Variants in MYO18B observed in about 807,000 individuals in gnomAD.
MYO18B encodes myosin XVIIIB.
A neutral mutation model predicts 273.0 loss-of-function variants in MYO18B; 204 were observed. That is an observed-to-expected ratio of 0.75 (90% CI 0.67 to 0.84). The LOEUF (loss-of-function observed/expected upper bound fraction) is 0.84, where lower values mean the gene tolerates loss of function less well. Among genes scored for constraint, MYO18B ranks in the 40% least tolerant of loss-of-function variants. The pLI is 0.00. For synonymous variants in MYO18B, 1,330 were observed against 1,305.7 expected (o/e 1.02, Z -0.40); for missense variants, 3,212 against 3,287.6 (o/e 0.98, Z 0.56).
At chr22:25,771,403 A>G (rs767889612) in intron 6 of MYO18B, among the ~76,000 whole-genome samples, 2 of 152,200 alleles carry the variant, frequency 1.3e-5, no homozygotes. Flanking sequence ...TAACCATAGC[A>G]TAGGTTCTAA....
intron 40 of MYO18B, among the ~76,000 whole-genome samples, chr22:25,993,409 G>T (rs143614756): frequency 6.6e-6 from 1 of 152,274 alleles, no homozygotes; most frequent in Non-Finnish European, 1.5e-5. Context: ...AATCTACAGG[G>T]TGGTTCCCTC....
rs2743844 is a variant in MYO18B at position 25,766,137 on chromosome 22, G to A, written c.199-1978G>A. 5.6e-3 allele frequency among the ~76,000 whole-genome samples: 847 copies of A among 152,094 alleles called. 15 individuals carry two copies. The highest frequency in any genetic ancestry group is 0.019 in the African/African-American group (809 of 41,488). Reference sequence around the variant, plus strand: ...CAGAGAGCCCTAGAGAGAAAAGGAAGGGCATCTAATATGCCGCAGTTCAAG... The same window carrying A: ...CAGAGAGCCCTAGAGAGAAAAGGAAAGGCATCTAATATGCCGCAGTTCAAG... On this transcript the variant is annotated intron_variant, in intron 3 of 43. Transcript: ENST00000335473.
intron 34 of MYO18B, among the ~76,000 whole-genome samples, chr22:25,941,250 A>G (rs2092640584): frequency 6.6e-6 from 1 of 151,978 alleles, no homozygotes; most frequent in Non-Finnish European, 1.5e-5. Context: ...CTCACCCTAA[A>G]CCTCTCCACC....
At chr22:25,890,361 T>C (rs1027295869) in intron 25 of MYO18B, among the ~76,000 whole-genome samples, 1 of 152,202 alleles carries the variant, frequency 6.6e-6, no homozygotes, top group Non-Finnish European at 1.5e-5. Context: ...TCCAGTGAGA[T>C]GATTTGCTAA....
At chr22:25,861,096 CT>C (rs2090720835) in intron 21 of MYO18B, among the ~76,000 whole-genome samples, 2 of 152,076 alleles carry the variant, frequency 1.3e-5, no homozygotes, top group Admixed American at 1.3e-4. Context: ...GTTGCCTAGT[CT>C]GGTCTCGACC....
intron 22 of MYO18B, among the ~76,000 whole-genome samples, chr22:25,873,968 T>C (rs1257017928): frequency 6.6e-6 from 1 of 152,170 alleles, no homozygotes. Flanking sequence ...CGGGGGATTG[T>C]GTTAAAGTGC....
At chr22:25,823,475 T>A in intron 12 of MYO18B, 30 bp from the exon 13 acceptor site, 1 of 1,607,694 alleles carries the variant, frequency 6.2e-7, no homozygotes. Context: ...AAGGCCTCAC[T>A]GCCACGCCTC....
chr22:25,905,232 G>A (rs1029840588), intron 31 of MYO18B, among the ~76,000 whole-genome samples: 1 of 152,168 alleles, frequency 6.6e-6, no homozygotes, highest in Non-Finnish European at 1.5e-5. Context: ...ACAAGATGGA[G>A]CCTGGTGAGT....
chr22:25,756,042 G>T (rs566214834), intron 1 of MYO18B, among the ~76,000 whole-genome samples: 3 of 151,878 alleles, frequency 2.0e-5, no homozygotes, highest in African/African-American at 4.8e-5. Context: ...GGACTACAGG[G>T]GCCTGCCACC....
intron 17 of MYO18B, among the ~76,000 whole-genome samples, chr22:25,837,066 G>A (rs1043455699): frequency 3.3e-5 from 5 of 152,032 alleles, no homozygotes; most frequent in Admixed American, 6.6e-5. Context: ...GCCAGGATAT[G>A]TGCTCGCATT....
intron 33 of MYO18B, among the ~76,000 whole-genome samples, chr22:25,919,849 G>A (rs1165125998): frequency 6.6e-6 from 1 of 152,146 alleles, no homozygotes; most frequent in Non-Finnish European, 1.5e-5. Context: ...GAACACATTC[G>A]AGGTCTTCAG....
intron 11 of MYO18B, among the ~76,000 whole-genome samples, chr22:25,792,266 G>A (rs190342617): frequency 6.6e-6 from 1 of 152,096 alleles, no homozygotes; most frequent in African/African-American, 2.4e-5. Context: ...TGCCTGCCTC[G>A]TGGGGAAAAA....
intron 7 of MYO18B, among the ~76,000 whole-genome samples, chr22:25,773,548 C>CCT (rs2086803644): frequency 6.6e-6 from 1 of 152,148 alleles, no homozygotes; most frequent in Non-Finnish European, 1.5e-5. Flanking sequence ...ACTGCAAGCG[C>CCT]CGCCTCCCGG....
Position 25,777,727 on chromosome 22 carries a change from C to A in MYO18B, c.2014C>A (p.Gln672Lys). ...CGCTGGGAAGACCACCTGCTGTGAGCAGGTCCTGGAACACCTGGTGGGGAT... is the reference window on the plus strand; with the variant it reads ...CGCTGGGAAGACCACCTGCTGTGAGAAGGTCCTGGAACACCTGGTGGGGAT... ...SGAGKTTCCE[Q>K]VLEHLVGMAG... Residue 672 changes from glutamine (Q) to lysine (K), a missense_variant, in exon 8 of 44, where the codon CAG becomes AAG. Gln to Lys is a moderately conservative substitution (Grantham distance 53). Transcript: ENST00000335473. 1 of 1,610,510 alleles carries A rather than the reference C, an allele frequency of 6.2e-7. No individual in the cohort carries two copies. Among genetic ancestry groups the A allele is most frequent in the Non-Finnish European group, 8.5e-7 (1 of 1,178,130 alleles).
At chr22:25,792,497 C>CTTTTTTTTTTTTT (rs58679561) in intron 11 of MYO18B, among the ~76,000 whole-genome samples, 7 of 107,956 alleles carry the variant, frequency 6.5e-5, no homozygotes, top group African/African-American at 7.3e-5. Flanking sequence ...TTTTTCTTTT[C>CTTTTTTTTTTTTT]TTTTTTTTTT....
At chr22:25,903,901 C>A in intron 31 of MYO18B, 70 bp downstream of exon 31, 2 of 1,490,584 alleles carry the variant, frequency 1.3e-6, no homozygotes, top group East Asian at 2.5e-5. Context: ...TATTAAAATA[C>A]AATGTGGGTG....
intron 39 of MYO18B, among the ~76,000 whole-genome samples, chr22:25,974,679 CA>C (rs962016104): frequency 7.0e-4 from 106 of 152,268 alleles, no homozygotes; most frequent in African/African-American, 2.4e-3. Flanking sequence ...GGCAGGAGGC[CA>C]GATTTGACCT....
At chr22:25,796,594 T>TA (rs67767641) in intron 11 of MYO18B, among the ~76,000 whole-genome samples, 2,475 of 141,430 alleles carry the variant, frequency 0.017, 69 homozygotes, top group African/African-American at 0.051. Context: ...AGACCCTGTC[T>TA]AAAAAAAAAA....
intron 1 of MYO18B, among the ~76,000 whole-genome samples, chr22:25,745,032 T>TC (rs1568958460): frequency 6.6e-6 from 1 of 151,864 alleles, no homozygotes; most frequent in Non-Finnish European, 1.5e-5. Flanking sequence ...ATATATATTA[T>TC]CCCCCCGCAC....
Sources: gnomAD v4.1 joint callset for allele counts (sites outside exome capture counted in the v4.1 genomes callset) on GRCh38, gnomAD v4.1.1 for gene constraint, MANE v1.5 for transcripts, NCBI Gene and HGNC (gene_info 2026-07-23, HGNC 2026-07-21) for gene names.